The following DENND1A variants were observed in gnomAD, a reference collection of about 807,000 sequenced individuals.
DENND1A encodes DENN domain containing 1A.
DENND1A carries 51 observed loss-of-function variants against 113.7 expected under a neutral mutation model. That is an observed-to-expected ratio of 0.45 (90% CI 0.36 to 0.57). DENND1A has a LOEUF of 0.57. DENND1A is among the 20% of genes least tolerant of loss of function. The pLI is 0.00. For missense variants in DENND1A, 1,258 were observed against 1,395.9 expected, an observed-to-expected ratio of 0.90 and a Z score of 1.57; for synonymous variants, 565 against 570.8, an observed-to-expected ratio of 0.99 and a Z score of 0.14.
intron 5 of DENND1A, among the ~76,000 whole-genome samples, chr9:123,690,124 AGGGG>A (rs1245842689): frequency 1.5e-4 from 8 of 54,392 alleles, no homozygotes; most frequent in African/African-American, 6.2e-4. Flanking sequence ...AAAAGGAGGG[AGGGG>A]GGAAGAAGGA....
At chr9:123,670,249 G>A (rs1333694556) in intron 7 of DENND1A, among the ~76,000 whole-genome samples, 2 of 152,066 alleles carry the variant, frequency 1.3e-5, no homozygotes, top group African/African-American at 4.8e-5. Context: ...ACTGTACCTG[G>A]TTCTAATGAA....
intron 2 of DENND1A, among the ~76,000 whole-genome samples, chr9:123,821,603 A>G (rs1412419448): frequency 6.6e-6 from 1 of 152,236 alleles, no homozygotes; most frequent in African/African-American, 2.4e-5. Flanking sequence ...AACTATAAGA[A>G]AGGAGACAAC....
At chr9:123,520,532 G>A (rs563356713) in intron 13 of DENND1A, among the ~76,000 whole-genome samples, 1 of 152,372 alleles carries the variant, frequency 6.6e-6, no homozygotes, top group African/African-American at 2.4e-5. Flanking sequence ...CAGCCACCCT[G>A]AGCTCATGAG....
chr9:123,464,174 CTG>C (rs1179028702), intron 13 of DENND1A, among the ~76,000 whole-genome samples: 1 of 152,178 alleles, frequency 6.6e-6, no homozygotes, highest in African/African-American at 2.4e-5. Context: ...GGTCTAGGCT[CTG>C]TGTTAGGGGA....
At chr9:123,831,013 A>G (rs1840135446) in intron 2 of DENND1A, among the ~76,000 whole-genome samples, 1 of 152,164 alleles carries the variant, frequency 6.6e-6, no homozygotes, top group South Asian at 2.1e-4. Flanking sequence ...AGAAGAGGAA[A>G]TAAAACTATT....
chr9:123,747,422 G>A (rs2069608929), intron 5 of DENND1A, among the ~76,000 whole-genome samples: 1 of 152,140 alleles, frequency 6.6e-6, no homozygotes, highest in Non-Finnish European at 1.5e-5. Flanking sequence ...AATTAATTCT[G>A]TAATAAATAT....
At chr9:123,501,594 G>A (rs2052489762) in intron 13 of DENND1A, among the ~76,000 whole-genome samples, 1 of 152,188 alleles carries the variant, frequency 6.6e-6, no homozygotes, top group Admixed American at 6.5e-5. Flanking sequence ...GTACCCAAAG[G>A]TTCTGTGACG....
rs566728374 is a variant in DENND1A, at chr9:123,513,303, C to T, written c.993+44267G>A. 1.2e-3 allele frequency among the ~76,000 whole-genome samples: 182 copies of T among 152,364 alleles called. 1 individual carries two copies. Among genetic ancestry groups the T allele is most frequent in the Non-Finnish European group, 2.1e-3 (146 of 68,040 alleles). ...AGACTGAGATTGGAAGCCCCAGCCT[C>T]CCACTGACTCACTGTGATAAAAGGT... On this transcript the variant is annotated intron_variant, in intron 13 of 23. Transcript: ENST00000394215.
rs1242209088 is a variant in DENND1A at position 123,500,677 on chromosome 9, C to T, written c.994-42780G>A. 2.0e-5 allele frequency among the ~76,000 whole-genome samples: 3 copies of T among 152,322 alleles called. 1 individual carries two copies. The highest frequency in any genetic ancestry group is 4.1e-4 in the South Asian group (2 of 4,828). On this transcript the variant is annotated intron_variant, in intron 13 of 23. Transcript: ENST00000394215. ...CGCCTCTCCCTCTTAGCATGAAGGG[C>T]AAAGACAGTGTTCTGTTCACTCATG...
intron 13 of DENND1A, among the ~76,000 whole-genome samples, chr9:123,551,855 C>T (rs1037278024): frequency 1.3e-5 from 2 of 152,184 alleles, no homozygotes; most frequent in African/African-American, 4.8e-5. Context: ...GAGGAGAAGC[C>T]TAGCTCCTGG....
intron 9 of DENND1A, 68 bp downstream of exon 9, chr9:123,651,945 A>G (rs2062682821): frequency 1.2e-5 from 17 of 1,427,592 alleles, no homozygotes; most frequent in Non-Finnish European, 1.6e-5. Context: ...ATTTTCTTTC[A>G]TCTTGCTGGT....
At chr9:123,413,139 G>C (rs1036297683) in intron 19 of DENND1A, 2 of 153,388 alleles carry the variant, frequency 1.3e-5, no homozygotes, top group African/African-American at 2.4e-5. Flanking sequence ...AGCCAAGATC[G>C]TGCCATTGCA....
chr9:123,607,510 CACACACACACAG>C (rs760771394), intron 11 of DENND1A, among the ~76,000 whole-genome samples: 2 of 90,166 alleles, frequency 2.2e-5, no homozygotes, highest in African/African-American at 4.8e-5. Flanking sequence ...CACACACACA[CACACACACACAG>C]AGAGAGAGAG....
chr9:123,867,985 C>A (rs891192292), intron 2 of DENND1A, among the ~76,000 whole-genome samples: 1 of 152,112 alleles, frequency 6.6e-6, no homozygotes, highest in Admixed American at 6.5e-5. Context: ...GACAGAGAAT[C>A]AAGAGATAGG....
At chr9:123,548,306 C>G (rs2056834629) in intron 13 of DENND1A, among the ~76,000 whole-genome samples, 1 of 152,210 alleles carries the variant, frequency 6.6e-6, no homozygotes, top group South Asian at 2.1e-4. Context: ...CCCCTTTACA[C>G]TCCCCCATCA....
intron 5 of DENND1A, among the ~76,000 whole-genome samples, chr9:123,702,243 G>C (rs919289810): frequency 2.6e-5 from 4 of 151,922 alleles, no homozygotes; most frequent in Admixed American, 1.3e-4. Flanking sequence ...CAGGTTATTT[G>C]AAAATATACA....
intron 2 of DENND1A, among the ~76,000 whole-genome samples, chr9:123,845,178 C>A (rs182873882): frequency 6.6e-6 from 1 of 151,970 alleles, no homozygotes. Context: ...CAAGGTTGTG[C>A]CACTACACTC....
intron 3 of DENND1A, among the ~76,000 whole-genome samples, chr9:123,789,432 G>A (rs1007805477): frequency 2.0e-5 from 3 of 152,078 alleles, no homozygotes; most frequent in South Asian, 2.1e-4. Flanking sequence ...TTAATAAAAC[G>A]TGTTGGGTCT....
chr9:123,802,763 C>T (rs550236992), intron 2 of DENND1A, among the ~76,000 whole-genome samples: 11 of 151,740 alleles, frequency 7.2e-5, no homozygotes, highest in African/African-American at 4.8e-5. Context: ...AGTTCAATGG[C>T]GCGATCTCGG....
Sources: allele counts gnomAD v4.1 joint callset (sites outside exome capture counted in the v4.1 genomes callset), GRCh38; gene constraint gnomAD v4.1.1; transcripts MANE v1.5; gene names NCBI Gene and HGNC (gene_info 2026-07-23, HGNC 2026-07-21).